SEC16B: variants seen among roughly 807,000 people sequenced by gnomAD.
The protein encoded by SEC16B is protein transport protein Sec16B.
In SEC16B, 115 loss-of-function variants were observed where a neutral mutation model predicts 141.8. The observed-to-expected ratio is 0.81, with a 90% CI of 0.70 to 0.95. The LOEUF (loss-of-function observed/expected upper bound fraction) is 0.95, where lower values mean the gene tolerates loss of function less well. SEC16B is among the 40% of genes least tolerant of loss of function. The pLI is 0.00. For synonymous variants in SEC16B, 493 were observed against 492.5 expected (o/e 1.00, Z -0.01); for missense variants, 1,291 against 1,312.3 (o/e 0.98, Z 0.25).
At chr1:177,979,645 T>A (rs1158369317) in intron 1 of SEC16B, among the ~76,000 whole-genome samples, 6 of 152,360 alleles carry the variant, frequency 3.9e-5, no homozygotes, top group African/African-American at 1.4e-4. Flanking sequence ...AGTGTATTAG[T>A]CCATTTTCAT....
At chr1:177,932,664 C>A in intron 23 of SEC16B, 34 bp downstream of exon 23, 1 of 1,531,552 alleles carries the variant, frequency 6.5e-7, no homozygotes, top group South Asian at 1.3e-5. Flanking sequence ...CTGAGGGGAC[C>A]ACCCATGGCC....
Position 177,932,714 on chromosome 1 carries a change from G to A in SEC16B, c.2916C>T (p.Ala972=). ...PESPPLPDVS[A]FSRGRGGGEG... is the part of the protein sequence containing the mutation. ...TGACGGTACCTCTGCCCCTGGAGAA[G>A]GCACTAACATCCGGCAGAGGTGGGG... is the stretch of plus-strand genomic sequence containing the variant. The change falls in exon 23 of 26, where the codon GCC becomes GCT. Residue 972 remains alanine (A), a synonymous_variant. Transcript: ENST00000308284. 6.3e-7 allele frequency: 1 copy of A among 1,597,016 alleles called. No homozygotes were observed. Among genetic ancestry groups the A allele is most frequent in the Non-Finnish European group, 8.5e-7 (1 of 1,172,290 alleles).
chr1:177,943,884 G>T (rs114490041), intron 15 of SEC16B, among the ~76,000 whole-genome samples: 176 of 152,344 alleles, frequency 1.2e-3, no homozygotes, highest in African/African-American at 3.9e-3. Flanking sequence ...AGTCATACTC[G>T]TAGGTGTGGC....
At chr1:177,944,760 A>C in intron 14 of SEC16B, 94 bp from the exon 15 acceptor site, 1 of 1,017,064 alleles carries the variant, frequency 9.8e-7, no homozygotes, top group Non-Finnish European at 1.5e-6. Context: ...GCAGCCTTTC[A>C]TGGGGGAGTT....
chr1:177,939,200 A>T (rs1212734828), intron 18 of SEC16B, among the ~76,000 whole-genome samples: 1 of 152,254 alleles, frequency 6.6e-6, no homozygotes, highest in Non-Finnish European at 1.5e-5. Flanking sequence ...TTAACCAGGG[A>T]TATGGTGCCT....
Position 177,942,003 on chromosome 1 carries a change from T to A in SEC16B, c.1919A>T (p.Tyr640Phe), listed in dbSNP as rs955271564. 4 of 1,613,934 alleles carry A rather than the reference T, an allele frequency of 2.5e-6. No homozygotes were observed. In the Admixed American group the frequency reaches 5.0e-5, roughly 20 times the overall value. ...ATGCAAAGCCTGGGACACGAGGCCATAATCTGCCAGACGGGAAGCATAAAG... is the reference window on the plus strand; with the variant it reads ...ATGCAAAGCCTGGGACACGAGGCCAAAATCTGCCAGACGGGAAGCATAAAG... ...KLLYASRLAD[Y>F]GLVSQALHYC... Residue 640 changes from tyrosine to phenylalanine, a missense_variant, in exon 16 of 26, where the codon TAT (tyrosine) becomes TTT (phenylalanine). Tyr to Phe is a conservative substitution (Grantham distance 22). Coordinates refer to ENST00000308284, the MANE Select transcript of SEC16B (RefSeq NM_033127.4).
Position 177,930,735 on chromosome 1 carries a change from T to G in SEC16B, c.3013-92A>C, listed in dbSNP as rs1650355368. ...TCAAGAAGCATATCAGGATTATTTG[T>G]TTTTTTCTCAGTGATTTCTTTAAGT... On this transcript the variant is annotated intron_variant, in intron 24 of 25. Coordinates refer to ENST00000308284, the MANE Select transcript of SEC16B (RefSeq NM_033127.4). 3.5e-6 allele frequency: 3 copies of G among 859,172 alleles called. No homozygotes were observed. In the South Asian group the frequency reaches 5.3e-5, roughly 15 times the overall value. The allele number at this position is 859,172 out of a possible 1,614,324, so 53.2% of individuals were successfully genotyped here.
upstream of SEC16B, chr1:177,971,365 C>T (rs1208139874): frequency 1.3e-5 from 2 of 152,226 alleles, no homozygotes; most frequent in Admixed American, 6.5e-5. Context: ...CAGGCGTAAG[C>T]CACCATGCCT....
At chr1:177,974,482 T>C (rs1202711469), upstream of SEC16B, among the ~76,000 whole-genome samples, 1 of 151,984 alleles carries the variant, frequency 6.6e-6, no homozygotes, top group Non-Finnish European at 1.5e-5. Context: ...AAGCCAGAGG[T>C]GATGGCTTCA....
intron 22 of SEC16B, 120 bp downstream of exon 22, chr1:177,933,094 C>T (rs1019853716): frequency 2.6e-6 from 2 of 783,710 alleles, no homozygotes; most frequent in South Asian, 1.7e-5. Context: ...ATCACAAAAC[C>T]TCTGTCTCAT....
At chr1:177,933,072 C>T in intron 22 of SEC16B, 142 bp downstream of exon 22, 1 of 709,872 alleles carries the variant, frequency 1.4e-6, no homozygotes, top group Non-Finnish European at 2.4e-6. Context: ...CATTCATTTC[C>T]CACCATATCC....
At chr1:177,947,966 A>ATGAT in intron 12 of SEC16B, 24 bp from the exon 13 acceptor site, 4 of 1,481,620 alleles carry the variant, frequency 2.7e-6, no homozygotes, top group Non-Finnish European at 3.7e-6. Context: ...GAAAAAATAA[A>ATGAT]TGTACAATCA....
At chr1:177,960,551 T>C (rs1652976390) in intron 7 of SEC16B, 148 bp from the exon 8 acceptor site, 1 of 715,120 alleles carries the variant, frequency 1.4e-6, no homozygotes, top group East Asian at 2.7e-5. Flanking sequence ...GTGAATTTTG[T>C]TGCTAAAGAT....
At chr1:177,936,135 C>T (rs74469034) in intron 20 of SEC16B, among the ~76,000 whole-genome samples, 163 bp downstream of exon 20, 3,232 of 152,242 alleles carry the variant, frequency 0.021, 56 homozygotes, top group East Asian at 0.057. Context: ...GCCTCCCGCC[C>T]AGCTCCCAGG....
chr1:177,983,932 C>T (rs747935586), intron 1 of SEC16B, among the ~76,000 whole-genome samples: 14 of 152,172 alleles, frequency 9.2e-5, no homozygotes, highest in Non-Finnish European at 1.8e-4. Context: ...CAGGGAACAG[C>T]CTTTGCCAGA....
At chr1:177,961,138 A>T in intron 6 of SEC16B, 199 bp from the exon 7 acceptor site, 1 of 578,100 alleles carries the variant, frequency 1.7e-6, no homozygotes, top group Non-Finnish European at 3.0e-6. Context: ...GTCAGAATAC[A>T]ATGCGTGGGC....
intron 25 of SEC16B, 50 bp from the exon 26 acceptor site, chr1:177,929,979 C>T (rs770542376): frequency 5.7e-6 from 9 of 1,587,350 alleles, no homozygotes; most frequent in Non-Finnish European, 6.9e-6. Context: ...AAACATGACT[C>T]TGCCCGGGGT....
At chr1:177,946,140 G>T (rs984090269) in intron 14 of SEC16B, 3 of 584,436 alleles carry the variant, frequency 5.1e-6, no homozygotes, top group Admixed American at 3.1e-5. Context: ...TGGAGCCAGG[G>T]TGCCACCCAG....
rs1366499346 is a variant in SEC16B, at chr1:177,958,938, G to T, written c.1036C>A (p.Gln346Lys). Reference sequence around the variant, plus strand: ...TTGCAGCTCTGAGCTGCTTTCTGCTGGCAAAACGTCATAATATCCACCTTA... The same window carrying T: ...TTGCAGCTCTGAGCTGCTTTCTGCTTGCAAAACGTCATAATATCCACCTTA... ...VHKVDIMTFC[Q>K]QKAAQSCKSE... Residue 346 changes from glutamine (Q) to lysine (K), a missense_variant, in exon 9 of 26, where the codon CAG becomes AAG. This residue lies in a region of SEC16B where 681 missense variants were observed against 675.5 expected (regional missense o/e 1.01). Transcript: ENST00000308284. The T allele has an allele frequency of 1.2e-6, 2 of 1,613,616 alleles. No individual in the cohort carries two copies. The highest frequency in any genetic ancestry group is 3.3e-5 in the Admixed American group (2 of 59,982).
Sources: gnomAD v4.1 joint callset for allele counts (sites outside exome capture counted in the v4.1 genomes callset) on GRCh38, gnomAD v4.1.1 for gene constraint, gnomAD v4.1.1 regional missense constraint, MANE v1.5 for transcripts, NCBI Gene and HGNC (gene_info 2026-07-23, HGNC 2026-07-21) for gene names.